ERGIC1: variants seen among roughly 807,000 people sequenced by gnomAD.
ERGIC1 encodes endoplasmic reticulum-Golgi intermediate compartment protein 1.
A neutral mutation model predicts 38.3 loss-of-function variants in ERGIC1; 19 were observed. That is an observed-to-expected ratio of 0.50 (90% confidence interval 0.35 to 0.73). The LOEUF is 0.73. ERGIC1 is among the 30% of genes least tolerant of loss of function. The pLI is 0.01. For missense variants in ERGIC1, 294 were observed against 389.2 expected, an observed-to-expected ratio of 0.76 and a Z score of 2.06; for synonymous variants, 124 against 157.6, an observed-to-expected ratio of 0.79 and a Z score of 1.60.
chr5:172,913,672 T>C (rs1262932132), intron 4 of ERGIC1, among the ~76,000 whole-genome samples: 1 of 152,218 alleles, frequency 6.6e-6, no homozygotes, highest in Non-Finnish European at 1.5e-5. Context: ...TACATTTCCA[T>C]AGTTCACAGG....
At chr5:172,847,171 C>T (rs1297702649) in intron 1 of ERGIC1, among the ~76,000 whole-genome samples, 4 of 152,114 alleles carry the variant, frequency 2.6e-5, no homozygotes, top group African/African-American at 9.7e-5. Context: ...CTCTGTCCTC[C>T]TCTGGGGTGT....
At chr5:172,920,389 G>C (rs1433191235) in intron 5 of ERGIC1, 4 of 717,862 alleles carry the variant, frequency 5.6e-6, no homozygotes, top group Non-Finnish European at 1.0e-5. Flanking sequence ...CCAGATGTCA[G>C]AGTTTGCGTG....
At chr5:172,870,465 G>T (rs1021611222) in intron 1 of ERGIC1, among the ~76,000 whole-genome samples, 1 of 152,174 alleles carries the variant, frequency 6.6e-6, no homozygotes, top group Non-Finnish European at 1.5e-5. Context: ...AGGCCTGGCT[G>T]TCTCTCATTT....
rs1403821449 is a variant in ERGIC1, at chr5:172,951,442, A to AC, written c.*630dup. The stretch of plus-strand genomic sequence containing the variant: ...AACCCAGGCCTCAAGTCTTTACCCC[A>AC]CCCCTTTCTTGTTCTTCCAAGAAGC... On this transcript the variant is annotated 3_prime_UTR_variant, in exon 10 of 10. Transcript: ENST00000393784. The AC allele has an allele frequency of 6.6e-6, 1 of 151,908 alleles. No individual in the cohort carries two copies. Among genetic ancestry groups the AC allele is most frequent in the African/African-American group, 2.4e-5 (1 of 41,302 alleles). 9.4% of individuals were successfully genotyped at this position (151,908 alleles called of 1,614,324 possible).
intron 1 of ERGIC1, among the ~76,000 whole-genome samples, chr5:172,882,324 T>C (rs1762304744): frequency 1.3e-5 from 2 of 152,208 alleles, no homozygotes; most frequent in Admixed American, 6.5e-5. Flanking sequence ...GCTTAGCAAA[T>C]GGCTGTTGAA....
chr5:172,839,980 T>C (rs1761122045), intron 1 of ERGIC1, among the ~76,000 whole-genome samples: 1 of 152,232 alleles, frequency 6.6e-6, no homozygotes, highest in Admixed American at 6.5e-5. Context: ...ACTCTTCTAA[T>C]TGGATTCATT....
At chr5:172,942,744 G>A (rs530408744) in intron 9 of ERGIC1, among the ~76,000 whole-genome samples, 8 of 152,228 alleles carry the variant, frequency 5.3e-5, no homozygotes, top group African/African-American at 9.6e-5. Flanking sequence ...GCCTCCTGGC[G>A]CGTGCGTTCC....
rs1338220456 is a variant in ERGIC1, at chr5:172,909,692, C to A, written c.181C>A (p.Pro61Thr). The stretch of plus-strand genomic sequence containing the variant: ...TGTGAACGAGCTCTATGTCGATGAC[C>A]CAGACAAGGACAGCGGTGGCAAGAT... ...EVVNELYVDDPDKDSGGKIDV... is the reference protein window; with the variant it reads ...EVVNELYVDDTDKDSGGKIDV... The change falls in exon 4 of 10, where the codon CCA becomes ACA. Residue 61 changes from proline (P) to threonine (T), a missense_variant. Transcript: ENST00000393784. 6.2e-7 allele frequency: 1 copy of A among 1,614,072 alleles called. No homozygotes were observed. Among genetic ancestry groups the A allele is most frequent in the African/African-American group, 1.3e-5 (1 of 74,928 alleles).
At chr5:172,886,987 G>A (rs895762153) in intron 1 of ERGIC1, among the ~76,000 whole-genome samples, 3 of 152,202 alleles carry the variant, frequency 2.0e-5, no homozygotes, top group Non-Finnish European at 4.4e-5. Context: ...AGGGGCACAA[G>A]CACAGGTGAC....
At chr5:172,934,892 G>T (rs1763854496) in intron 8 of ERGIC1, 1 of 410,214 alleles carries the variant, frequency 2.4e-6, no homozygotes, top group Non-Finnish European at 4.6e-6. Context: ...GCCAAAAATT[G>T]CACTTTTCCT....
intron 1 of ERGIC1, among the ~76,000 whole-genome samples, chr5:172,886,213 C>T (rs557714146): frequency 6.6e-6 from 1 of 152,318 alleles, no homozygotes; most frequent in Admixed American, 6.5e-5. Flanking sequence ...TTTCCGTCCT[C>T]CTCTCCCTGC....
chr5:172,894,200 T>C (rs1243945535), intron 2 of ERGIC1, among the ~76,000 whole-genome samples: 4 of 134,968 alleles, frequency 3.0e-5, no homozygotes, highest in Non-Finnish European at 6.4e-5. Context: ...TTTTTCTTTT[T>C]TTTTTTTTTT....
intron 1 of ERGIC1, among the ~76,000 whole-genome samples, chr5:172,838,881 A>T (rs1206691309): frequency 6.6e-6 from 1 of 152,238 alleles, no homozygotes; most frequent in Non-Finnish European, 1.5e-5. Context: ...CTGTATTTCT[A>T]CCCTGCTGTT....
intron 9 of ERGIC1, among the ~76,000 whole-genome samples, chr5:172,944,583 TC>T (rs1243026917): frequency 3.9e-5 from 6 of 152,224 alleles, no homozygotes; most frequent in South Asian, 2.1e-4. Flanking sequence ...GGTCTCGAAC[TC>T]CCCACCTCAG....
chr5:172,917,924 T>C (rs1009196543), intron 5 of ERGIC1: 2 of 152,246 alleles, frequency 1.3e-5, no homozygotes, highest in Non-Finnish European at 2.9e-5. Context: ...ATCCCAGCAC[T>C]TTGGGAGGCC....
At chr5:172,929,151 ATATG>A (rs1378433357) in intron 7 of ERGIC1, among the ~76,000 whole-genome samples, 6 of 140,020 alleles carry the variant, frequency 4.3e-5, no homozygotes, top group African/African-American at 5.8e-5. Flanking sequence ...TCATATATAT[ATATG>A]TGTGTGTGTG....
intron 2 of ERGIC1, among the ~76,000 whole-genome samples, chr5:172,896,722 G>A (rs1251859246): frequency 1.3e-5 from 2 of 152,244 alleles, no homozygotes; most frequent in Non-Finnish European, 2.9e-5. Context: ...CTTTTGGCTG[G>A]CCTTTGCATT....
intron 1 of ERGIC1, among the ~76,000 whole-genome samples, chr5:172,855,166 T>A (rs1229803545): frequency 6.6e-6 from 1 of 151,990 alleles, no homozygotes; most frequent in Non-Finnish European, 1.5e-5. Flanking sequence ...CTCCCTGGAG[T>A]GGCATTTCCC....
intron 1 of ERGIC1, among the ~76,000 whole-genome samples, chr5:172,872,088 G>A (rs1292000245): frequency 2.6e-5 from 4 of 152,174 alleles, no homozygotes; most frequent in Non-Finnish European, 5.9e-5. Flanking sequence ...GCCCAGTGCA[G>A]TAACCTTGTG....
Sources: allele counts gnomAD v4.1 joint callset (sites outside exome capture counted in the v4.1 genomes callset), GRCh38; gene constraint gnomAD v4.1.1; transcripts MANE v1.5; gene names NCBI Gene and HGNC (gene_info 2026-07-23, HGNC 2026-07-21).